FHIP1A: variants seen among roughly 807,000 people sequenced by gnomAD.
FHIP1A encodes FHF complex subunit HOOK-interacting protein 1A.
In FHIP1A, 61 loss-of-function variants were observed where a neutral mutation model predicts 88.6. The ratio of observed to expected loss-of-function variants is 0.69; its 90% CI spans 0.56 to 0.85. FHIP1A has a LOEUF of 0.85. Ranked by LOEUF, FHIP1A falls within the 40% of genes least tolerant of loss-of-function variation. The probability of loss-of-function intolerance (pLI) is 0.00; values close to 1 mark genes in which losing one functional copy is unlikely to be tolerated. For missense variants in FHIP1A, 1,154 were observed against 1,273.5 expected, an observed-to-expected ratio of 0.91 and a Z score of 1.43; for synonymous variants, 478 against 496.0, an observed-to-expected ratio of 0.96 and a Z score of 0.48.
chr4:151,575,195 CT>C (rs1733741522), intron 4 of FHIP1A, among the ~76,000 whole-genome samples: 1 of 152,254 alleles, frequency 6.6e-6, no homozygotes, highest in South Asian at 2.1e-4. Flanking sequence ...GTAAAGATAG[CT>C]CTCCTAAGTA....
At chr4:151,646,817 C>T in intron 10 of FHIP1A, 69 bp downstream of exon 10, 1 of 1,069,532 alleles carries the variant, frequency 9.3e-7, no homozygotes, top group South Asian at 1.5e-5. Context: ...GGATATGTGT[C>T]CCTTTGGGTA....
chr4:151,569,975 A>G (rs572015470), intron 4 of FHIP1A, among the ~76,000 whole-genome samples: 1 of 152,326 alleles, frequency 6.6e-6, no homozygotes, highest in South Asian at 2.1e-4. Flanking sequence ...TCTGGGCTGT[A>G]GAAAGTAGCC....
intron 1 of FHIP1A, among the ~76,000 whole-genome samples, chr4:151,413,359 G>T (rs1732752282): frequency 6.6e-6 from 1 of 152,148 alleles, no homozygotes. Flanking sequence ...GAAACTCAGG[G>T]GTGAGGAGGA....
In FHIP1A at chr4:151,600,646, A is replaced by G. The variant is rs1436001019; in HGVS notation, c.978+11720A>G. 5.3e-5 allele frequency among the ~76,000 whole-genome samples: 8 copies of G among 152,190 alleles called. No homozygotes were observed. The East Asian group carries it at 1.5e-3, about 29-fold the overall frequency. On this transcript the variant is annotated intron_variant, in intron 7 of 13. Transcript: ENST00000435205. ...CAGAACATGGTGGGGACAGCTCATC[A>G]CTGCTCTGCGATGTCTGGGGCCTCA...
At chr4:151,475,063 T>A (rs1459887653) in intron 2 of FHIP1A, among the ~76,000 whole-genome samples, 1 of 152,092 alleles carries the variant, frequency 6.6e-6, no homozygotes, top group Non-Finnish European at 1.5e-5. Flanking sequence ...TAGACGTAGG[T>A]TTTAGTTTCA....
At chr4:151,468,201 C>A (rs1184834939) in intron 2 of FHIP1A, among the ~76,000 whole-genome samples, 6 of 144,142 alleles carry the variant, frequency 4.2e-5, no homozygotes, top group Non-Finnish European at 9.0e-5. Flanking sequence ...AGGAGAATGG[C>A]GTGAACCCAG....
intron 2 of FHIP1A, among the ~76,000 whole-genome samples, chr4:151,464,246 A>G (rs1383608637): frequency 6.6e-6 from 1 of 152,188 alleles, no homozygotes; most frequent in Non-Finnish European, 1.5e-5. Context: ...TTATAATAGA[A>G]TCACAGAAAT....
At chr4:151,549,121 C>T (rs1033750094) in intron 3 of FHIP1A, among the ~76,000 whole-genome samples, 5 of 151,330 alleles carry the variant, frequency 3.3e-5, no homozygotes, top group Non-Finnish European at 7.4e-5. Flanking sequence ...AGTAGTTTGG[C>T]AGGAAGGACA....
At chr4:151,517,211 C>T (rs1731273336) in intron 3 of FHIP1A, among the ~76,000 whole-genome samples, 1 of 151,738 alleles carries the variant, frequency 6.6e-6, no homozygotes, top group South Asian at 2.1e-4. Flanking sequence ...AACAAAAAAC[C>T]AAACACCGCA....
At chr4:151,410,052 G>A (rs957131519) in intron 1 of FHIP1A, among the ~76,000 whole-genome samples, 2 of 152,202 alleles carry the variant, frequency 1.3e-5, no homozygotes, top group Admixed American at 6.5e-5. Flanking sequence ...CTCAACAAAG[G>A]TCCCTTGTTA....
chr4:151,654,267 G>T (rs145185448), intron 11 of FHIP1A, among the ~76,000 whole-genome samples: 1 of 152,042 alleles, frequency 6.6e-6, no homozygotes, highest in African/African-American at 2.4e-5. Context: ...CATTCACCTA[G>T]GTCAGTGATG....
At chr4:151,627,166 CT>C in intron 7 of FHIP1A, among the ~76,000 whole-genome samples, 1 of 152,292 alleles carries the variant, frequency 6.6e-6, no homozygotes, top group East Asian at 1.9e-4. Flanking sequence ...GCTTAATGGA[CT>C]TGGGTTTTTA....
chr4:151,562,626 A>G (rs998668301), intron 3 of FHIP1A, among the ~76,000 whole-genome samples: 4 of 152,204 alleles, frequency 2.6e-5, no homozygotes, highest in African/African-American at 9.6e-5. Context: ...GAGAGTATTT[A>G]TTTAAACAGA....
At chr4:151,578,149 C>G in intron 5 of FHIP1A, 73 bp downstream of exon 5, 1 of 1,338,410 alleles carries the variant, frequency 7.5e-7, no homozygotes, top group Non-Finnish European at 1.0e-6. Context: ...TGAATACTTT[C>G]TTACTCCCTT....
intron 3 of FHIP1A, among the ~76,000 whole-genome samples, chr4:151,537,250 C>G (rs1237138824): frequency 6.6e-6 from 1 of 151,950 alleles, no homozygotes; most frequent in East Asian, 1.9e-4. Context: ...AGCAAGTGAT[C>G]TAGTATCTCT....
chr4:151,579,627 T>A (rs1298758735), intron 5 of FHIP1A, among the ~76,000 whole-genome samples: 2 of 152,120 alleles, frequency 1.3e-5, no homozygotes, highest in Non-Finnish European at 2.9e-5. Context: ...TCATAAGATA[T>A]CTTAAAATAA....
chr4:151,514,984 A>G (rs1731173548), intron 3 of FHIP1A, among the ~76,000 whole-genome samples: 1 of 151,970 alleles, frequency 6.6e-6, no homozygotes, highest in African/African-American at 2.4e-5. Flanking sequence ...TACCAAAGCC[A>G]GGCAGAGACA....
chr4:151,461,921 TGGAGGCTGAGGTG>T (rs1561505913), intron 2 of FHIP1A, among the ~76,000 whole-genome samples: 1 of 152,204 alleles, frequency 6.6e-6, no homozygotes, highest in Non-Finnish European at 1.5e-5. Flanking sequence ...CCCACACTTT[TGGAGGCTGAGGTG>T]GGAGGATTGT....
chr4:151,533,889 C>A (rs1214246444), intron 3 of FHIP1A, among the ~76,000 whole-genome samples: 2 of 152,194 alleles, frequency 1.3e-5, no homozygotes, highest in Non-Finnish European at 2.9e-5. Flanking sequence ...AACCCTGTAT[C>A]AGAGTAGAGA....
Sources: allele counts gnomAD v4.1 joint callset (sites outside exome capture counted in the v4.1 genomes callset), GRCh38; gene constraint gnomAD v4.1.1; transcripts MANE v1.5; gene names NCBI Gene and HGNC (gene_info 2026-07-23, HGNC 2026-07-21).